XIRP2: variants seen among roughly 807,000 people sequenced by gnomAD.
XIRP2 encodes the protein xin actin binding repeat containing 2.
A neutral mutation model predicts 277.0 loss-of-function variants in XIRP2; 236 were observed. The ratio of observed to expected loss-of-function variants is 0.85; its 90% CI spans 0.77 to 0.95. The LOEUF (loss-of-function observed/expected upper bound fraction) is 0.95, where lower values mean the gene tolerates loss of function less well. XIRP2 is among the 40% of genes least tolerant of loss of function. The pLI, the probability that XIRP2 is intolerant of heterozygous loss-of-function variation, is 0.00. For synonymous variants in XIRP2, 1,490 were observed against 1,416.5 expected, an observed-to-expected ratio of 1.05 and a Z score of -1.17; for missense variants, 4,640 against 4,157.5, an observed-to-expected ratio of 1.12 and a Z score of -3.19.
chr2:167,068,364 A>G (rs1245699330), intron 2 of XIRP2, among the ~76,000 whole-genome samples: 3 of 152,198 alleles, frequency 2.0e-5, no homozygotes, highest in Non-Finnish European at 4.4e-5. Context: ...AGCCAACACC[A>G]ATATCTGAAT....
At chr2:167,122,167 AAC>A (rs1469888351) in intron 2 of XIRP2, among the ~76,000 whole-genome samples, 3 of 152,146 alleles carry the variant, frequency 2.0e-5, no homozygotes, top group Non-Finnish European at 4.4e-5. Context: ...CCCCTCCCTG[AAC>A]AGTCTTTCTT....
At chr2:167,125,782 T>C (rs894679557) in intron 2 of XIRP2, among the ~76,000 whole-genome samples, 2 of 152,134 alleles carry the variant, frequency 1.3e-5, no homozygotes, top group Non-Finnish European at 2.9e-5. Context: ...CAAAATTTGG[T>C]TATTTAATGC....
chr2:167,114,729 AATG>A (rs1449971849), intron 2 of XIRP2, among the ~76,000 whole-genome samples: 1 of 152,000 alleles, frequency 6.6e-6, no homozygotes, highest in Admixed American at 6.6e-5. Flanking sequence ...GTTTACTGAG[AATG>A]ATGATTTCCA....
intron 2 of XIRP2, among the ~76,000 whole-genome samples, chr2:167,001,004 G>A (rs1047512911): frequency 5.3e-5 from 8 of 152,006 alleles, no homozygotes; most frequent in East Asian, 1.9e-4. Flanking sequence ...TTATTATTGT[G>A]CCTGTAAATA....
intron 2 of XIRP2, among the ~76,000 whole-genome samples, chr2:167,076,325 C>A (rs997041990): frequency 1.3e-5 from 2 of 152,156 alleles, no homozygotes; most frequent in African/African-American, 4.8e-5. Context: ...AATGCTAATA[C>A]ATCAAGCTTA....
intron 5 of XIRP2, among the ~76,000 whole-genome samples, chr2:167,218,554 A>G (rs1694326782): frequency 6.6e-6 from 1 of 152,204 alleles, no homozygotes; most frequent in African/African-American, 2.4e-5. Context: ...TGTTTCAGAC[A>G]TAAATGAAAA....
intron 2 of XIRP2, among the ~76,000 whole-genome samples, chr2:166,987,996 A>C (rs1282944414): frequency 6.6e-6 from 1 of 152,206 alleles, no homozygotes; most frequent in African/African-American, 2.4e-5. Flanking sequence ...AATAACCACG[A>C]AGCAAACTCC....
chr2:167,243,351 A>G lies in XIRP2; in HGVS notation c.1959A>G (p.Thr653=), dbSNP rs201164185. 5 of 1,614,132 alleles carry G rather than the reference A, an allele frequency of 3.1e-6. No individual in the cohort carries two copies. In the East Asian group the frequency reaches 6.7e-5, roughly 22 times the overall value. Residue 653 remains threonine, a synonymous_variant, in exon 9 of 11, where the codon ACA becomes ACG. Coordinates refer to ENST00000409195, the MANE Select transcript of XIRP2 (RefSeq NM_152381.6). ...IPELARGDVC[T]ARWMFETRPL... Reference sequence around the variant, plus strand: ...AGCTAGCCAGAGGAGATGTCTGCACAGCTCGGTGGATGTTTGAAACAAGGC... The same window carrying G: ...AGCTAGCCAGAGGAGATGTCTGCACGGCTCGGTGGATGTTTGAAACAAGGC...
intron 2 of XIRP2, among the ~76,000 whole-genome samples, chr2:166,904,764 G>A (rs1298725078): frequency 1.3e-5 from 2 of 151,944 alleles, no homozygotes; most frequent in East Asian, 3.9e-4. Flanking sequence ...CAAAGTCCAC[G>A]CTTTTTTGTT....
intron 5 of XIRP2, among the ~76,000 whole-genome samples, chr2:167,222,278 G>T (rs1032004661): frequency 1.1e-4 from 16 of 152,186 alleles, no homozygotes; most frequent in Admixed American, 3.9e-4. Flanking sequence ...TAAACAGTTA[G>T]CCATATTCCT....
chr2:167,250,579 A>G lies in XIRP2; in HGVS notation c.9187A>G (p.Asn3063Asp). 2.5e-6 allele frequency: 4 copies of G among 1,613,556 alleles called. No homozygotes were observed. Among genetic ancestry groups the G allele is most frequent in the Non-Finnish European group, 3.4e-6 (4 of 1,179,698 alleles). The change falls in exon 9 of 11, where the codon AAT becomes GAT. Residue 3063 changes from asparagine (N) to aspartate (D), a missense_variant. By Grantham distance (23) the Asn-to-Asp change is conservative (BLOSUM62 1). Transcript: ENST00000409195. ...SSKVSNVHVS[N>D]NKNSEQKENK... Reference sequence around the variant, plus strand: ...CAAAGTATCTAATGTTCATGTCAGCAATAATAAAAATAGTGAACAGAAAGA... The same window carrying G: ...CAAAGTATCTAATGTTCATGTCAGCGATAATAAAAATAGTGAACAGAAAGA...
chr2:167,131,190 AG>A (rs1320233330), intron 2 of XIRP2, among the ~76,000 whole-genome samples: 1 of 152,182 alleles, frequency 6.6e-6, no homozygotes, highest in Non-Finnish European at 1.5e-5. Context: ...CAGTGAGAAC[AG>A]GAACGCTTTC....
At position 167,066,328 on chromosome 2, in the gene XIRP2, G is replaced by T. The variant is rs548240469; in HGVS notation, c.409-69581G>T. On this transcript the variant is annotated intron_variant, in intron 2 of 10. Coordinates refer to ENST00000409195, the MANE Select transcript of XIRP2 (RefSeq NM_152381.6). ...CTCATATATTGTAAGTGGGATCACAGACATTTCTCTAAAGAAGACTTTCAA... is the reference window on the plus strand; with the variant it reads ...CTCATATATTGTAAGTGGGATCACATACATTTCTCTAAAGAAGACTTTCAA... 5.3e-5 allele frequency among the ~76,000 whole-genome samples: 8 copies of T among 152,018 alleles called. No homozygotes were observed. In the South Asian group the frequency reaches 1.2e-3, roughly 24 times the overall value.
chr2:166,996,712 A>G (rs934171867), intron 2 of XIRP2, among the ~76,000 whole-genome samples: 8 of 152,314 alleles, frequency 5.3e-5, no homozygotes, highest in African/African-American at 1.9e-4. Flanking sequence ...GTGTAATACA[A>G]TAAAATTGTA....
chr2:167,096,871 AC>A (rs1320351272), intron 2 of XIRP2, among the ~76,000 whole-genome samples: 1 of 151,976 alleles, frequency 6.6e-6, no homozygotes, highest in African/African-American at 2.4e-5. Flanking sequence ...GAGTTTCTTA[AC>A]CTTGAGTTCT....
chr2:167,166,139 T>G (rs1692514747), intron 3 of XIRP2, among the ~76,000 whole-genome samples: 1 of 152,212 alleles, frequency 6.6e-6, no homozygotes, highest in Non-Finnish European at 1.5e-5. Flanking sequence ...TGGCTACAAA[T>G]TTTGATAAGT....
intron 5 of XIRP2, among the ~76,000 whole-genome samples, chr2:167,219,879 T>C (rs1168748333): frequency 6.6e-6 from 1 of 152,142 alleles, no homozygotes; most frequent in Admixed American, 6.6e-5. Context: ...TCCATATCTG[T>C]GAAACTTGAT....
chr2:166,938,565 T>C (rs1461152275), intron 2 of XIRP2, among the ~76,000 whole-genome samples: 2 of 152,228 alleles, frequency 1.3e-5, no homozygotes, highest in African/African-American at 4.8e-5. Flanking sequence ...GAAGAATGTA[T>C]ATTCTGTTGA....
intron 2 of XIRP2, among the ~76,000 whole-genome samples, chr2:166,951,112 C>A (rs563535921): frequency 6.6e-6 from 1 of 151,982 alleles, no homozygotes; most frequent in African/African-American, 2.4e-5. Flanking sequence ...CCAAGAATTG[C>A]GAGTTATTAT....
Sources: gnomAD v4.1 joint callset for allele counts (sites outside exome capture counted in the v4.1 genomes callset) on GRCh38, gnomAD v4.1.1 for gene constraint, MANE v1.5 for transcripts, NCBI Gene and HGNC (gene_info 2026-07-23, HGNC 2026-07-21) for gene names.